TRAT1: variants seen among roughly 807,000 people sequenced by gnomAD.
TRAT1 encodes T cell receptor associated transmembrane adaptor 1, also known as T-cell receptor-associated transmembrane adapter 1.
In TRAT1, 20 loss-of-function variants were observed where a neutral mutation model predicts 20.0. The observed-to-expected ratio is 1.00, with a 90% CI of 0.70 to 1.45. The LOEUF (loss-of-function observed/expected upper bound fraction) is 1.45. Ranked by LOEUF, TRAT1 falls within the 40% of genes most tolerant of loss-of-function variation. The probability of loss-of-function intolerance (pLI) is 0.00; values close to 1 mark genes in which losing one functional copy is unlikely to be tolerated. For synonymous variants in TRAT1, 77 were observed against 74.2 expected, an observed-to-expected ratio of 1.04 and a Z score of -0.20; for missense variants, 237 against 224.1, an observed-to-expected ratio of 1.06 and a Z score of -0.37.
intron 3 of TRAT1, among the ~76,000 whole-genome samples, chr3:108,839,615 C>T (rs982001466): frequency 3.4e-5 from 5 of 149,156 alleles, no homozygotes; most frequent in Non-Finnish European, 5.9e-5. Flanking sequence ...CACTGCACTC[C>T]AGCTGGACGA....
At chr3:108,828,077 T>C (rs1189747171) in intron 1 of TRAT1, among the ~76,000 whole-genome samples, 1 of 152,168 alleles carries the variant, frequency 6.6e-6, no homozygotes, top group Non-Finnish European at 1.5e-5. Flanking sequence ...TTGGATGATT[T>C]ATAGCTAGAT....
intron 3 of TRAT1, 81 bp downstream of exon 3, chr3:108,839,048 T>G (rs1945867445): frequency 2.8e-6 from 3 of 1,079,390 alleles, no homozygotes. Context: ...AAGATTTGGC[T>G]CATGGATATT....
intron 4 of TRAT1, among the ~76,000 whole-genome samples, chr3:108,848,386 C>T (rs1433277136): frequency 6.6e-6 from 1 of 152,202 alleles, no homozygotes; most frequent in African/African-American, 2.4e-5. Context: ...ATATCTTTCT[C>T]TCTCTGAGGG....
chr3:108,826,535 A>G (rs1945741600), intron 1 of TRAT1, among the ~76,000 whole-genome samples: 2 of 152,146 alleles, frequency 1.3e-5, no homozygotes, highest in Admixed American at 6.5e-5. Context: ...TTGTGCGTGT[A>G]GTGATCATGT....
chr3:108,845,704 CT>C lies in TRAT1; in HGVS notation c.153-1353del, dbSNP rs377552228. Reference sequence around the variant, plus strand: ...GGTGTTATGCCTTGAGATAAGAGTCCTTTTTTTTTTTCTTTTGATGAAATTC... The same window carrying C: ...GGTGTTATGCCTTGAGATAAGAGTCCTTTTTTTTTTCTTTTGATGAAATTC... On this transcript the variant is annotated intron_variant, in intron 3 of 5. Coordinates refer to ENST00000295756, the MANE Select transcript of TRAT1 (RefSeq NM_016388.4). 7.3e-4 allele frequency among the ~76,000 whole-genome samples: 107 copies of C among 145,984 alleles called. No homozygotes were observed. The East Asian group carries it at 8.9e-3, about 12-fold the overall frequency.
intron 1 of TRAT1, among the ~76,000 whole-genome samples, chr3:108,825,611 A>C (rs557080759): frequency 6.6e-6 from 1 of 152,140 alleles, no homozygotes; most frequent in Non-Finnish European, 1.5e-5. Flanking sequence ...TGAATTGGGC[A>C]GTGTTTTTAA....
intron 5 of TRAT1, among the ~76,000 whole-genome samples, chr3:108,850,504 C>T (rs1207710219): frequency 6.6e-6 from 1 of 151,952 alleles, no homozygotes; most frequent in Non-Finnish European, 1.5e-5. Context: ...GGGGTTTCAC[C>T]ATGTTGGTTA....
At chr3:108,853,484 G>C (rs760752306) in intron 5 of TRAT1, 136 bp from the exon 6 acceptor site, 1 of 991,138 alleles carries the variant, frequency 1.0e-6, no homozygotes, top group Non-Finnish European at 1.5e-6. Flanking sequence ...TTTGTTTTTT[G>C]TACTGACAAA....
At chr3:108,851,960 T>G (rs1373908748) in intron 5 of TRAT1, among the ~76,000 whole-genome samples, 1 of 152,196 alleles carries the variant, frequency 6.6e-6, no homozygotes, top group Non-Finnish European at 1.5e-5. Flanking sequence ...AGAAATAACT[T>G]GACAACAGTA....
intron 2 of TRAT1, among the ~76,000 whole-genome samples, chr3:108,836,766 T>C (rs762896251): frequency 2.6e-5 from 4 of 152,238 alleles, no homozygotes; most frequent in Non-Finnish European, 5.9e-5. Flanking sequence ...CATGGATAAA[T>C]TGAGCACCAG....
chr3:108,852,383 A>G (rs1175379253), intron 5 of TRAT1, among the ~76,000 whole-genome samples: 3 of 102,454 alleles, frequency 2.9e-5, no homozygotes, highest in Non-Finnish European at 5.8e-5. Flanking sequence ...GTCCATCTCA[A>G]AAAACACACG....
intron 3 of TRAT1, among the ~76,000 whole-genome samples, chr3:108,843,370 A>C (rs1239089283): frequency 1.3e-5 from 2 of 152,066 alleles, no homozygotes; most frequent in African/African-American, 2.4e-5. Flanking sequence ...TCTCCATTAA[A>C]AATACAAAAA....
chr3:108,845,020 C>A (rs1331561027), intron 3 of TRAT1, among the ~76,000 whole-genome samples: 1 of 152,016 alleles, frequency 6.6e-6, no homozygotes, highest in Admixed American at 6.5e-5. Flanking sequence ...AGAGTCTGGT[C>A]TGGCTGAAAA....
At chr3:108,835,378 G>A (rs1945829719) in intron 2 of TRAT1, among the ~76,000 whole-genome samples, 1 of 151,942 alleles carries the variant, frequency 6.6e-6, no homozygotes, top group Non-Finnish European at 1.5e-5. Context: ...TTTTTATTTT[G>A]CTAAATGTCA....
At chr3:108,823,500 T>A (rs1353453978) in intron 1 of TRAT1, among the ~76,000 whole-genome samples, 1 of 152,234 alleles carries the variant, frequency 6.6e-6, no homozygotes, top group Non-Finnish European at 1.5e-5. Flanking sequence ...TCATTCCTCC[T>A]GTATTATTTT....
chr3:108,822,823 T>C lies in TRAT1; in HGVS notation c.-105T>C. 1.1e-6 allele frequency: 1 copy of C among 914,616 alleles called. No individual in the cohort carries two copies. The highest frequency in any genetic ancestry group is 1.8e-6 in the Non-Finnish European group (1 of 571,250). The allele number at this position is 914,616 out of a possible 1,614,324, so 56.7% of individuals were successfully genotyped here. On this transcript the variant is annotated 5_prime_UTR_variant, in exon 1 of 6. Transcript: ENST00000295756. ...GATAAGTTTTACTGTCATGCTGCTT[T>C]TAACATAACAGAGCAACATCACCTA...
chr3:108,854,291 T>A lies in TRAT1; in HGVS notation c.*414T>A, dbSNP rs191930741. ...AAATAAAAGCCAATGAGTTTTTTTT[T>A]AATTCTCCTTTCTCACCAATGGGCA... On this transcript the variant is annotated 3_prime_UTR_variant, in exon 6 of 6. Coordinates refer to ENST00000295756, the MANE Select transcript of TRAT1 (RefSeq NM_016388.4). The A allele has an allele frequency of 4.2e-3, 654 of 156,468 alleles. 5 individuals are homozygous for A. Among genetic ancestry groups the A allele is most frequent in the African/African-American group, 0.015 (623 of 41,648 alleles). The allele number at this position is 156,468 out of a possible 1,614,324, so 9.7% of individuals were successfully genotyped here.
At chr3:108,833,151 G>C (rs1475991807) in intron 2 of TRAT1, among the ~76,000 whole-genome samples, 1 of 151,968 alleles carries the variant, frequency 6.6e-6, no homozygotes, top group East Asian at 1.9e-4. Flanking sequence ...AGTTAAAAAA[G>C]CAGTGCCTGT....
At chr3:108,845,895 G>A (rs1239000013) in intron 3 of TRAT1, among the ~76,000 whole-genome samples, 1 of 152,188 alleles carries the variant, frequency 6.6e-6, no homozygotes, top group Non-Finnish European at 1.5e-5. Flanking sequence ...TAGAATGACA[G>A]TCTAGTGACA....
Sources: gnomAD v4.1 joint callset for allele counts (sites outside exome capture counted in the v4.1 genomes callset) on GRCh38, gnomAD v4.1.1 for gene constraint, MANE v1.5 for transcripts, NCBI Gene and HGNC (gene_info 2026-07-23, HGNC 2026-07-21) for gene names.